PCDHGA2: variants seen among roughly 807,000 people sequenced by gnomAD.
The protein encoded by PCDHGA2 is protocadherin gamma subfamily A, 2, also known as protocadherin gamma-A2.
Under a neutral mutation model 59.2 loss-of-function variants are expected in PCDHGA2, and 40 were observed. That is an observed-to-expected ratio of 0.68 (90% CI 0.52 to 0.88). PCDHGA2 has a LOEUF of 0.88. Ranked by LOEUF, PCDHGA2 falls within the 40% of genes least tolerant of loss-of-function variation. The pLI, the probability that PCDHGA2 is intolerant of heterozygous loss-of-function variation, is 0.00. For missense variants in PCDHGA2, 1,226 were observed against 1,204.0 expected, an observed-to-expected ratio of 1.02 and a Z score of -0.27; for synonymous variants, 560 against 526.0, an observed-to-expected ratio of 1.06 and a Z score of -0.89.
Position 141,491,048 on chromosome 5 carries a change from C to T in PCDHGA2, c.2425-3759C>T, listed in dbSNP as rs755163825. The T allele has an allele frequency of 7.4e-6, 12 of 1,613,948 alleles. No individual in the cohort carries two copies. Among genetic ancestry groups the T allele is most frequent in the South Asian group, 4.4e-5 (4 of 91,090 alleles). ...GTGGATGCTGATGCAGGCCACAATG[C>T]GTGGCTCTCCTACTCACTGTTGCCA... On this transcript the variant is annotated intron_variant, in intron 1 of 3. Coordinates refer to ENST00000394576, the MANE Select transcript of PCDHGA2 (RefSeq NM_018915.4). The surrounding 1 kb of genome is among the most constrained non-coding windows in gnomAD (Gnocchi z 6.9).
intron 1 of PCDHGA2, chr5:141,410,784 G>T (rs1352997810): frequency 1.2e-6 from 1 of 817,034 alleles, no homozygotes; most frequent in Non-Finnish European, 1.7e-6. Context: ...CTATGTATTT[G>T]GTTCATAAGT....
intron 1 of PCDHGA2, chr5:141,478,305 C>T (rs775282798): frequency 2.5e-6 from 4 of 1,614,092 alleles, no homozygotes; most frequent in East Asian, 2.2e-5. Flanking sequence ...TACCGAGCCC[C>T]GGTGAGCTCA....
intron 1 of PCDHGA2, chr5:141,357,505 A>G: frequency 6.2e-7 from 1 of 1,614,212 alleles, no homozygotes. Context: ...GAGTCACCTG[A>G]TCTTCTCCCA....
At chr5:141,347,301 G>A (rs531042035) in intron 1 of PCDHGA2, among the ~76,000 whole-genome samples, 1 of 151,914 alleles carries the variant, frequency 6.6e-6, no homozygotes, top group East Asian at 1.9e-4. Flanking sequence ...CTACAGGCAC[G>A]AGCCACCCTC....
chr5:141,396,570 C>T (rs996384369), intron 1 of PCDHGA2: 5 of 150,662 alleles, frequency 3.3e-5, no homozygotes, highest in African/African-American at 1.2e-4. Flanking sequence ...CAGTGAGCCT[C>T]GATCCTGTCA....
At chr5:141,425,289 A>C (rs17208404) in intron 1 of PCDHGA2, among the ~76,000 whole-genome samples, 26,691 of 152,172 alleles carry the variant, frequency 0.18, 2,539 homozygotes, top group Admixed American at 0.28. Flanking sequence ...CATATTATAA[A>C]ACCTCATCTA....
chr5:141,483,472 T>C (rs1457039859), intron 1 of PCDHGA2, among the ~76,000 whole-genome samples: 2 of 152,076 alleles, frequency 1.3e-5, no homozygotes, highest in Non-Finnish European at 2.9e-5. Flanking sequence ...TGACATGATA[T>C]AGGAAGTGAG....
intron 1 of PCDHGA2, among the ~76,000 whole-genome samples, chr5:141,452,072 G>A (rs550370876): frequency 1.3e-5 from 2 of 152,272 alleles, no homozygotes; most frequent in East Asian, 1.9e-4. Flanking sequence ...ACTTTTATTA[G>A]TTGGCATTAT....
intron 1 of PCDHGA2, chr5:141,441,621 G>T: frequency 4.5e-6 from 1 of 223,408 alleles, no homozygotes; most frequent in South Asian, 5.2e-5. Context: ...CGTGGCCAGT[G>T]ACCTGGAGCC....
At chr5:141,451,945 C>T (rs906800803) in intron 1 of PCDHGA2, among the ~76,000 whole-genome samples, 1 of 151,970 alleles carries the variant, frequency 6.6e-6, no homozygotes, top group Non-Finnish European at 1.5e-5. Flanking sequence ...AGGGAAAGAC[C>T]GAGAAAGTGA....
chr5:141,381,044 T>G (rs745590770), intron 1 of PCDHGA2, among the ~76,000 whole-genome samples: 1 of 152,278 alleles, frequency 6.6e-6, no homozygotes, highest in Admixed American at 6.5e-5. Flanking sequence ...AAAATTTATC[T>G]ACTTTGTGAA....
chr5:141,361,008 T>C (rs1327006146), intron 1 of PCDHGA2: 4 of 1,613,330 alleles, frequency 2.5e-6, no homozygotes, highest in African/African-American at 1.3e-5. Flanking sequence ...TGAAACACTT[T>C]TTCAACTTAA....
rs369106233 is a variant in PCDHGA2 at position 141,370,518 on chromosome 5, G to A, written c.2424+29123G>A. 13 of 1,613,886 alleles carry A rather than the reference G, an allele frequency of 8.1e-6. No homozygotes were observed. The African/African-American group carries it at 1.7e-4, about 22-fold the overall frequency. Reference sequence around the variant, plus strand: ...CCGCTACGCTATTCCCGAGGAGCTGGACAGGGGCTCGCTGGTAGGGAACCT... The same window carrying A: ...CCGCTACGCTATTCCCGAGGAGCTGAACAGGGGCTCGCTGGTAGGGAACCT... On this transcript the variant is annotated intron_variant, in intron 1 of 3. Transcript: ENST00000394576.
At chr5:141,446,169 C>A (rs920519501) in intron 1 of PCDHGA2, among the ~76,000 whole-genome samples, 1 of 152,014 alleles carries the variant, frequency 6.6e-6, no homozygotes, top group African/African-American at 2.4e-5. Flanking sequence ...TTCATGAGGG[C>A]AGGGGGTGTT....
chr5:141,427,149 A>G (rs1303323489), intron 1 of PCDHGA2: 1 of 456,850 alleles, frequency 2.2e-6, no homozygotes, highest in Non-Finnish European at 4.4e-6. Context: ...TATTGGAAAT[A>G]TGTTTGTGCT....
intron 1 of PCDHGA2, chr5:141,379,714 A>G (rs1315727028): frequency 6.6e-6 from 1 of 152,154 alleles, no homozygotes; most frequent in African/African-American, 2.4e-5. Flanking sequence ...CCTGGCAGTC[A>G]TGGAATTTGC....
intron 1 of PCDHGA2, among the ~76,000 whole-genome samples, chr5:141,447,023 GT>G (rs5871773): frequency 0.034 from 5,146 of 151,536 alleles, 101 homozygotes; most frequent in Middle Eastern, 0.088. Flanking sequence ...GTTTTGTTTT[GT>G]TTTTTTTCTG....
chr5:141,360,990 C>A lies in PCDHGA2; in HGVS notation c.2424+19595C>A. On this transcript the variant is annotated intron_variant, in intron 1 of 3. Transcript: ENST00000394576. ...TCACCTACTCCTTTCATAATGTGGA[C>A]GAACAAGTGAAACACTTTTTCAACT... 1.2e-6 allele frequency: 2 copies of A among 1,613,454 alleles called. No individual in the cohort carries two copies. The highest frequency in any genetic ancestry group is 1.3e-5 in the African/African-American group (1 of 75,006).
chr5:141,419,579 C>G (rs759041306), intron 1 of PCDHGA2: 11 of 1,611,812 alleles, frequency 6.8e-6, no homozygotes, highest in Non-Finnish European at 9.3e-6. Flanking sequence ...CGGCTCCGCG[C>G]TCTTCGACAC....
Sources: gnomAD v4.1 joint callset for allele counts (sites outside exome capture counted in the v4.1 genomes callset) on GRCh38, gnomAD v4.1.1 for gene constraint, Gnocchi (gnomAD v3.1) non-coding constraint, MANE v1.5 for transcripts, NCBI Gene and HGNC (gene_info 2026-07-23, HGNC 2026-07-21) for gene names.